The following COBL variants were observed in gnomAD, a reference collection of about 807,000 sequenced individuals.
COBL encodes the protein protein cordon-bleu.
COBL carries 51 observed loss-of-function variants against 98.8 expected under a neutral mutation model. The observed-to-expected ratio is 0.52, with a 90% CI of 0.41 to 0.65. The LOEUF (loss-of-function observed/expected upper bound fraction) is 0.65, where lower values mean the gene tolerates loss of function less well. COBL is among the 30% of genes least tolerant of loss of function. The pLI is 0.00. For missense variants in COBL, 1,617 were observed against 1,617.5 expected, an observed-to-expected ratio of 1.00 and a Z score of 0.01; for synonymous variants, 634 against 651.7, an observed-to-expected ratio of 0.97 and a Z score of 0.41.
chr7:51,271,836 G>A (rs536148616), intron 1 of COBL, among the ~76,000 whole-genome samples: 12 of 152,304 alleles, frequency 7.9e-5, no homozygotes, highest in African/African-American at 2.9e-4. Flanking sequence ...TCTAAGACCA[G>A]TTTGGCCAAC....
intron 7 of COBL, among the ~76,000 whole-genome samples, chr7:51,083,437 A>G (rs558520912): frequency 2.0e-5 from 3 of 152,320 alleles, no homozygotes; most frequent in African/African-American, 7.2e-5. Context: ...TTAACATTTT[A>G]CATACGTAGT....
At chr7:51,067,506 C>T (rs1792060514) in intron 7 of COBL, among the ~76,000 whole-genome samples, 2 of 152,208 alleles carry the variant, frequency 1.3e-5, no homozygotes, top group South Asian at 2.1e-4. Context: ...GATATGCATG[C>T]ACCATGGGTG....
intron 1 of COBL, among the ~76,000 whole-genome samples, chr7:51,310,543 T>TG (rs1802924451): frequency 6.6e-6 from 1 of 152,160 alleles, no homozygotes; most frequent in Admixed American, 6.5e-5. Flanking sequence ...TGGCTCCCCA[T>TG]GGGGATTCAG....
chr7:51,078,834 C>G (rs1472164405), intron 7 of COBL, among the ~76,000 whole-genome samples: 2 of 152,140 alleles, frequency 1.3e-5, no homozygotes, highest in Admixed American at 1.3e-4. Flanking sequence ...GACAAAGGGC[C>G]TCAGCGCCTC....
intron 10 of COBL, 62 bp downstream of exon 10, chr7:51,027,650 T>TG: frequency 2.9e-6 from 4 of 1,357,296 alleles, no homozygotes; most frequent in Non-Finnish European, 3.1e-6. Context: ...TCTGAGACTC[T>TG]GAGACCAGTG....
intron 1 of COBL, among the ~76,000 whole-genome samples, chr7:51,273,342 A>G (rs998827542): frequency 2.2e-4 from 34 of 151,838 alleles, no homozygotes; most frequent in East Asian, 1.3e-3. Context: ...AAAAAAAAAA[A>G]AAAAGAAAAA....
chr7:51,028,917 A>AGAGG lies in COBL; in HGVS notation c.2175_2178dup (p.Ser727ProfsTer7). On this transcript the variant is annotated frameshift_variant, in exon 10 of 13. Transcript: ENST00000265136. LOFTEE classifies it high-confidence loss of function. ...TCGTCAATCTTAATGGCTCCGGTGG[A>AGAGG]GAGGGACACATCTCTGTCGTAACAT... is the stretch of plus-strand genomic sequence containing the variant. The AGAGG allele has an allele frequency of 6.2e-7, 1 of 1,614,156 alleles. No homozygotes were observed. The highest frequency in any genetic ancestry group is 8.5e-7 in the Non-Finnish European group (1 of 1,180,036).
At chr7:51,282,048 T>C (rs1452575958) in intron 1 of COBL, among the ~76,000 whole-genome samples, 1 of 152,002 alleles carries the variant, frequency 6.6e-6, no homozygotes, top group Non-Finnish European at 1.5e-5. Context: ...CAAAGGGATA[T>C]ACTAAAAATC....
chr7:51,123,848 C>G (rs775110200), intron 6 of COBL, among the ~76,000 whole-genome samples: 1 of 152,140 alleles, frequency 6.6e-6, no homozygotes, highest in African/African-American at 2.4e-5. Context: ...CACATCACCC[C>G]AGGCAGAGGC....
chr7:51,051,081 C>T (rs747538952), intron 7 of COBL, among the ~76,000 whole-genome samples: 1 of 152,114 alleles, frequency 6.6e-6, no homozygotes, highest in Non-Finnish European at 1.5e-5. Context: ...GGTATACTCT[C>T]GAAGCTCTCT....
chr7:51,078,721 G>A (rs1793327042), intron 7 of COBL, among the ~76,000 whole-genome samples: 1 of 152,238 alleles, frequency 6.6e-6, no homozygotes, highest in Non-Finnish European at 1.5e-5. Context: ...CAGTGCAGGT[G>A]TGGATCAGGA....
At chr7:51,171,403 T>C (rs889053252) in intron 5 of COBL, among the ~76,000 whole-genome samples, 13 of 152,214 alleles carry the variant, frequency 8.5e-5, no homozygotes, top group Non-Finnish European at 1.8e-4. Context: ...TAAAAAGCAC[T>C]GCTATAAGAG....
chr7:51,294,305 TAAATAAATAAATAAATAAATAAATAA>T (rs1420601230), intron 1 of COBL, among the ~76,000 whole-genome samples: 70 of 140,644 alleles, frequency 5.0e-4, no homozygotes, highest in Non-Finnish European at 9.2e-4. Flanking sequence ...CATAAATAAA[TAAATAAATAAATAAATAAATAAATAA>T]AAATAAATAA....
intron 1 of COBL, chr7:51,260,179 T>C: frequency 1.2e-6 from 1 of 868,224 alleles, no homozygotes; most frequent in African/African-American, 1.7e-5. Context: ...TTTCTAGAGT[T>C]GTAGCTACTG....
intron 7 of COBL, among the ~76,000 whole-genome samples, chr7:51,054,502 T>C (rs550968474): frequency 6.6e-6 from 1 of 152,268 alleles, no homozygotes; most frequent in East Asian, 1.9e-4. Context: ...ACTGTAACTT[T>C]TTTTCCTTTC....
At chr7:51,062,087 G>T (rs1475457475) in intron 7 of COBL, among the ~76,000 whole-genome samples, 1 of 151,976 alleles carries the variant, frequency 6.6e-6, no homozygotes, top group Non-Finnish European at 1.5e-5. Flanking sequence ...GTTAAAATAG[G>T]CCTAATTTTA....
intron 7 of COBL, among the ~76,000 whole-genome samples, chr7:51,078,428 A>G (rs918325503): frequency 3.3e-5 from 5 of 152,154 alleles, no homozygotes; most frequent in African/African-American, 4.8e-5. Flanking sequence ...AAGAACTAAG[A>G]TCCTTGATGA....
At chr7:51,207,604 A>AT (rs901737354) in intron 2 of COBL, among the ~76,000 whole-genome samples, 15 of 152,002 alleles carry the variant, frequency 9.9e-5, no homozygotes, top group African/African-American at 3.6e-4. Flanking sequence ...TGGTTTTCGT[A>AT]TTTTTTTGGT....
chr7:51,106,416 T>C (rs1158176381), intron 6 of COBL, among the ~76,000 whole-genome samples: 1 of 152,140 alleles, frequency 6.6e-6, no homozygotes, highest in East Asian at 1.9e-4. Flanking sequence ...CCGGCTGGTG[T>C]CATCCTGGCA....
Sources: gnomAD v4.1 joint callset for allele counts (sites outside exome capture counted in the v4.1 genomes callset) on GRCh38, gnomAD v4.1.1 for gene constraint, MANE v1.5 for transcripts, NCBI Gene and HGNC (gene_info 2026-07-23, HGNC 2026-07-21) for gene names.